Variants in SNAP47 observed in about 807,000 individuals in gnomAD.
SNAP47 encodes the protein synaptosome associated protein 47, also known as synaptosomal-associated protein 47.
SNAP47 carries 20 observed loss-of-function variants against 31.4 expected under a neutral mutation model. The ratio of observed to expected loss-of-function variants is 0.64; its 90% CI spans 0.45 to 0.93. The LOEUF (loss-of-function observed/expected upper bound fraction) is 0.93. Among genes scored for constraint, SNAP47 ranks in the 40% least tolerant of loss-of-function variants. The pLI is 0.00. For synonymous variants in SNAP47, 194 were observed against 213.4 expected (o/e 0.91, Z 0.79); for missense variants, 492 against 528.5 (o/e 0.93, Z 0.68).
intron 1 of SNAP47, among the ~76,000 whole-genome samples, chr1:227,744,667 G>A (rs1355506393): frequency 7.3e-5 from 11 of 151,710 alleles, no homozygotes; most frequent in Non-Finnish European, 1.5e-4. Context: ...TAAAAACAGA[G>A]AGACCAATGG....
chr1:227,764,166 G>C (rs1459850065), intron 3 of SNAP47, among the ~76,000 whole-genome samples: 1 of 152,136 alleles, frequency 6.6e-6, no homozygotes, highest in African/African-American at 2.4e-5. Flanking sequence ...ATGACCCCAA[G>C]GCAGAAACCA....
rs553466491 is a variant in SNAP47, at chr1:227,766,857, G to T, written c.989-102G>T. 7.3e-6 allele frequency: 11 copies of T among 1,514,590 alleles called. No individual in the cohort carries two copies. The Admixed American group carries it at 1.1e-4, about 15-fold the overall frequency. The allele number at this position is 1,514,590 out of a possible 1,614,324, so 93.8% of individuals were successfully genotyped here. A position where few individuals can be genotyped will look rare whatever the true frequency, so the allele number is the denominator to read the frequency against. ...AGGAAGCAGTCCTGCGTGTGGTGGC[G>T]GGAGGAACACCGCCTCAAAGACCAC... On this transcript the variant is annotated intron_variant, in intron 3 of 4. Coordinates refer to ENST00000617596, the MANE Select transcript of SNAP47 (RefSeq NM_053052.4).
At chr1:227,744,853 G>A (rs976773893) in intron 1 of SNAP47, among the ~76,000 whole-genome samples, 3 of 152,172 alleles carry the variant, frequency 2.0e-5, no homozygotes, top group African/African-American at 4.8e-5. Flanking sequence ...ACCTGGGAGC[G>A]CCCTGCTGAC....
chr1:227,748,371 G>A, intron 2 of SNAP47, 138 bp downstream of exon 2: 1 of 974,532 alleles, frequency 1.0e-6, no homozygotes, highest in African/African-American at 1.6e-5. Context: ...TGCACCTGCT[G>A]TACATGCTTA....
At chr1:227,732,536 A>G, upstream of SNAP47, 3 of 1,613,362 alleles carry the variant, frequency 1.9e-6, no homozygotes, top group Non-Finnish European at 2.5e-6. Context: ...GCCCAACATC[A>G]AAGGCTGCCT....
At chr1:227,733,432 G>A, upstream of SNAP47, 2 of 1,579,002 alleles carry the variant, frequency 1.3e-6, no homozygotes, top group South Asian at 1.1e-5. Flanking sequence ...GCACCTGGTG[G>A]TGCCAGCCAC....
intron 1 of SNAP47, among the ~76,000 whole-genome samples, chr1:227,740,945 G>A (rs552494927): frequency 2.1e-5 from 3 of 146,118 alleles, no homozygotes; most frequent in African/African-American, 8.1e-5. Context: ...GGGGGCAGAT[G>A]CCCAGCGGGT....
At chr1:227,735,197 G>C (rs747554405), upstream of SNAP47, 7 of 1,582,548 alleles carry the variant, frequency 4.4e-6, no homozygotes, top group Admixed American at 7.1e-5. Flanking sequence ...CCGGCCCGGA[G>C]CCTGGCCGAC....
upstream of SNAP47, chr1:227,735,126 G>C: frequency 1.9e-6 from 3 of 1,578,924 alleles, no homozygotes; most frequent in South Asian, 2.3e-5. Flanking sequence ...AGGTTGGGCA[G>C]CAAGAAGCCC....
upstream of SNAP47, chr1:227,732,205 T>A: frequency 1.5e-6 from 1 of 653,588 alleles, no homozygotes; most frequent in East Asian, 2.7e-5. Flanking sequence ...ACATCCCATC[T>A]TGGGTCCCTG....
At chr1:227,730,110 C>G (rs1571954126), upstream of SNAP47, among the ~76,000 whole-genome samples, 1 of 152,222 alleles carries the variant, frequency 6.6e-6, no homozygotes, top group East Asian at 1.9e-4. Context: ...TTAGCTGCAG[C>G]CTGCCTGTCC....
At chr1:227,743,421 GTGGGCTCCGGCCTCCCA>G (rs1233349871) in intron 1 of SNAP47, among the ~76,000 whole-genome samples, 1 of 152,154 alleles carries the variant, frequency 6.6e-6, no homozygotes, top group Admixed American at 6.5e-5. Context: ...AAGGCCTCCC[GTGGGCTCCGGCCTCCCA>G]TGGGCTCCAG....
At position 227,747,832 on chromosome 1, in the gene SNAP47, G is replaced by A; in HGVS notation, c.96G>A (p.Leu32=). ...WVTGQLSLTS[L]SLRFMTDSTG... is the part of the protein sequence containing the mutation. ...CTGGACAGCTGTCCTTAACATCGCTGTCGCTCAGGTTCATGACTGACAGCA... is the reference window on the plus strand; with the variant it reads ...CTGGACAGCTGTCCTTAACATCGCTATCGCTCAGGTTCATGACTGACAGCA... The change falls in exon 2 of 5, where the codon CTG becomes CTA. Residue 32 remains leucine (L), a synonymous_variant. Transcript: ENST00000617596. 6.2e-7 allele frequency: 1 copy of A among 1,614,160 alleles called. No homozygotes were observed. The highest frequency in any genetic ancestry group is 1.7e-5 in the Admixed American group (1 of 60,018).
chr1:227,760,979 A>G (rs1454135200), intron 3 of SNAP47, among the ~76,000 whole-genome samples: 2 of 152,170 alleles, frequency 1.3e-5, no homozygotes, highest in Non-Finnish European at 1.5e-5. Context: ...AAAAGACTCC[A>G]TTTTCTAATA....
intron 1 of SNAP47, among the ~76,000 whole-genome samples, chr1:227,738,375 G>T (rs1348119516): frequency 1.3e-5 from 2 of 149,066 alleles, no homozygotes; most frequent in East Asian, 2.0e-4. Flanking sequence ...GTGTAGAGCC[G>T]GCTTTTCTAC....
intron 4 of SNAP47, 136 bp from the exon 5 acceptor site, chr1:227,780,391 C>T: frequency 7.8e-7 from 1 of 1,285,376 alleles, no homozygotes; most frequent in Non-Finnish European, 1.1e-6. Flanking sequence ...GCTGCCGGCT[C>T]CCTCCTGCTG....
upstream of SNAP47, chr1:227,734,968 G>T (rs756991468): frequency 6.7e-7 from 1 of 1,500,874 alleles, no homozygotes; most frequent in Non-Finnish European, 8.9e-7. Context: ...CCTGGGTCCC[G>T]CCGGCCTTTC....
At chr1:227,775,941 C>T (rs1383942165) in intron 4 of SNAP47, 5 of 1,294,404 alleles carry the variant, frequency 3.9e-6, no homozygotes, top group Admixed American at 2.3e-5. Flanking sequence ...ATGAGGGAGC[C>T]GGCCAGGCCC....
intron 4 of SNAP47, among the ~76,000 whole-genome samples, chr1:227,770,012 C>T (rs1359431262): frequency 2.0e-5 from 3 of 152,100 alleles, no homozygotes; most frequent in Admixed American, 2.0e-4. Context: ...GTGGGAGCCT[C>T]GCTGGTGCCT....
Sources: gnomAD v4.1 joint callset for allele counts (sites outside exome capture counted in the v4.1 genomes callset) on GRCh38, gnomAD v4.1.1 for gene constraint, MANE v1.5 for transcripts, NCBI Gene and HGNC (gene_info 2026-07-23, HGNC 2026-07-21) for gene names.